Variants in TEK observed in about 807,000 individuals in gnomAD.
TEK encodes the protein TEK receptor tyrosine kinase.
TEK carries 43 observed loss-of-function variants against 131.8 expected under a neutral mutation model. That is an observed-to-expected ratio of 0.33 (90% CI 0.26 to 0.42). The LOEUF (loss-of-function observed/expected upper bound fraction) is 0.42. Among genes scored for constraint, TEK ranks in the 10% least tolerant of loss-of-function variants. The pLI is 1.00. For missense variants in TEK, 1,162 were observed against 1,384.4 expected (o/e 0.84, Z 2.55); for synonymous variants, 580 against 491.6 (o/e 1.18, Z -2.38).
At position 27,203,052 on chromosome 9, in the gene TEK, A is replaced by G. The variant is rs1193991861; in HGVS notation, c.2142A>G (p.Ala714=). ...PETAYQVDIF[A]ENNIGSSNPA... ...CAGCATACCAGGTGGACATTTTTGC[A>G]GAGAACAACATAGGGTCAAGCAACC... The change falls in exon 13 of 23, where the codon GCA becomes GCG. Residue 714 remains alanine, a synonymous_variant. Coordinates refer to ENST00000380036, the MANE Select transcript of TEK (RefSeq NM_000459.5). 11 of 1,614,046 alleles carry G rather than the reference A, an allele frequency of 6.8e-6. No homozygotes were observed. Among genetic ancestry groups the G allele is most frequent in the Non-Finnish European group, 9.3e-6 (11 of 1,180,006 alleles).
At chr9:27,182,708 A>G (rs992863381) in intron 7 of TEK, among the ~76,000 whole-genome samples, 23 of 152,178 alleles carry the variant, frequency 1.5e-4, no homozygotes, top group African/African-American at 4.8e-4. Flanking sequence ...CTGAGTCCCT[A>G]TGGTTCAGAA....
chr9:27,178,193 T>C (rs1439235596), intron 6 of TEK, among the ~76,000 whole-genome samples: 3 of 152,042 alleles, frequency 2.0e-5, no homozygotes, highest in Non-Finnish European at 4.4e-5. Flanking sequence ...TATCCAGTTT[T>C]CCCAGGACTA....
chr9:27,229,385 TG>T lies in TEK; in HGVS notation c.*155del. The T allele has an allele frequency of 2.7e-6, 2 of 746,182 alleles. No individual in the cohort carries two copies. Among genetic ancestry groups the T allele is most frequent in the Admixed American group, 1.9e-5 (1 of 53,202 alleles). 46.2% of individuals were successfully genotyped at this position (746,182 alleles called of 1,614,324 possible). A position where few individuals can be genotyped will look rare whatever the true frequency, so the allele number is the denominator to read the frequency against. ...CCTTCACCACTGTAGATCCCATGCA[TG>T]GATCTATGTAGTATGCTCTGACTCT... On this transcript the variant is annotated 3_prime_UTR_variant, in exon 23 of 23. Transcript: ENST00000380036.
intron 1 of TEK, among the ~76,000 whole-genome samples, chr9:27,112,986 G>C (rs76861647): frequency 0.016 from 2,485 of 152,284 alleles, 57 homozygotes; most frequent in African/African-American, 0.057. Flanking sequence ...GCTGTCATAT[G>C]TTGTATTAGC....
intron 7 of TEK, among the ~76,000 whole-genome samples, chr9:27,182,503 C>T (rs535371665): frequency 3.3e-5 from 5 of 152,226 alleles, no homozygotes; most frequent in East Asian, 1.9e-4. Flanking sequence ...ACACCTTTAC[C>T]CATTTCATTC....
At chr9:27,125,755 CATT>C (rs1162711921) in intron 1 of TEK, among the ~76,000 whole-genome samples, 2 of 152,134 alleles carry the variant, frequency 1.3e-5, no homozygotes, top group Non-Finnish European at 2.9e-5. Context: ...TATTAACTAT[CATT>C]ATTTTTTTGT....
chr9:27,186,261 T>C (rs578150340), intron 9 of TEK, among the ~76,000 whole-genome samples: 54 of 150,780 alleles, frequency 3.6e-4, no homozygotes, highest in African/African-American at 1.3e-3. Context: ...AGAACTAAAA[T>C]GGAGGTAAGT....
intron 12 of TEK, among the ~76,000 whole-genome samples, chr9:27,199,820 A>G (rs1025200000): frequency 6.6e-6 from 1 of 152,130 alleles, no homozygotes; most frequent in Non-Finnish European, 1.5e-5. Context: ...CCTTTATTGT[A>G]ACCTTGTTTG....
At position 27,229,357 on chromosome 9, in the gene TEK, G is replaced by A. The variant is rs902244784; in HGVS notation, c.*125G>A. ...AGTGTACATATGTGCTGTACACCTG[G>A]GACCTTCACCACTGTAGATCCCATG... On this transcript the variant is annotated 3_prime_UTR_variant, in exon 23 of 23. Transcript: ENST00000380036. 6.7e-6 allele frequency: 6 copies of A among 897,900 alleles called. No homozygotes were observed. The highest frequency in any genetic ancestry group is 9.2e-6 in the Non-Finnish European group (5 of 540,744). The allele number at this position is 897,900 out of a possible 1,614,324, so 55.6% of individuals were successfully genotyped here.
Position 27,172,761 on chromosome 9 carries a change from C to G in TEK, c.760+14C>G. On this transcript the variant is annotated intron_variant, in intron 5 of 22. Coordinates refer to ENST00000380036, the MANE Select transcript of TEK (RefSeq NM_000459.5). ...CGTGTGAGAAGGGTAAGTAAAGAGA[C>G]TTGATAAGTAAGCTGTGGATTTAAA... 2 of 1,612,994 alleles carry G rather than the reference C, an allele frequency of 1.2e-6. No homozygotes were observed. The highest frequency in any genetic ancestry group is 1.7e-6 in the Non-Finnish European group (2 of 1,179,314).
At chr9:27,224,283 C>T (rs571779169) in intron 21 of TEK, among the ~76,000 whole-genome samples, 1 of 152,182 alleles carries the variant, frequency 6.6e-6, no homozygotes, top group East Asian at 1.9e-4. Flanking sequence ...ATCCTGTTAC[C>T]CAAACCTGGC....
In TEK at chr9:27,137,856, A is replaced by G. The variant is rs189520107; in HGVS notation, c.53-19975A>G. On this transcript the variant is annotated intron_variant, in intron 1 of 22. Transcript: ENST00000380036. ...ATTAGTTCTTTTGTGTCCGGAATTT[A>G]TTCATTCCGGTGGGTTCTTGGTCTC... 9.6e-4 allele frequency among the ~76,000 whole-genome samples: 146 copies of G among 152,088 alleles called. 1 individual carries two copies. Among genetic ancestry groups the G allele is most frequent in the African/African-American group, 3.3e-3 (136 of 41,480 alleles).
intron 12 of TEK, among the ~76,000 whole-genome samples, chr9:27,200,377 A>C (rs994102778): frequency 6.6e-6 from 1 of 152,206 alleles, no homozygotes; most frequent in African/African-American, 2.4e-5. Context: ...TCACACTATC[A>C]TTATCATATT....
At chr9:27,125,229 G>A (rs1035821543) in intron 1 of TEK, among the ~76,000 whole-genome samples, 8 of 152,204 alleles carry the variant, frequency 5.3e-5, no homozygotes, top group African/African-American at 1.9e-4. Flanking sequence ...TGTAGTAATC[G>A]CCTAACAGGC....
At chr9:27,136,730 A>C (rs1822462001) in intron 1 of TEK, among the ~76,000 whole-genome samples, 2 of 152,158 alleles carry the variant, frequency 1.3e-5, no homozygotes, top group African/African-American at 4.8e-5. Context: ...TATCTGTTCA[A>C]GTCCTTCAGC....
rs562113265 is a variant in TEK, at chr9:27,229,948, T to A, written c.*716T>A. The stretch of plus-strand genomic sequence containing the variant: ...TTAGGATAAAATAATGGGATTTTCT[T>A]TTCTTTTCTCTGGTAATATTGACTT... On this transcript the variant is annotated 3_prime_UTR_variant, in exon 23 of 23. Coordinates refer to ENST00000380036, the MANE Select transcript of TEK (RefSeq NM_000459.5). 2 of 152,360 alleles carry A rather than the reference T, an allele frequency of 1.3e-5. No individual in the cohort carries two copies. Among genetic ancestry groups the A allele is most frequent in the Admixed American group, 1.3e-4 (2 of 15,292 alleles). The allele number at this position is 152,360 out of a possible 1,614,324, so 9.4% of individuals were successfully genotyped here.
At chr9:27,134,791 TAAA>T (rs532871291) in intron 1 of TEK, among the ~76,000 whole-genome samples, 1 of 152,126 alleles carries the variant, frequency 6.6e-6, no homozygotes, top group South Asian at 2.1e-4. Flanking sequence ...AAAGATCTAA[TAAA>T]AAGAAGAGAA....
intron 2 of TEK, among the ~76,000 whole-genome samples, chr9:27,163,600 C>T (rs182021308): frequency 2.9e-4 from 44 of 152,184 alleles, no homozygotes; most frequent in African/African-American, 8.2e-4. Context: ...AGGATGTGGA[C>T]CTGGAGAATG....
chr9:27,196,613 T>A (rs1487390986), intron 11 of TEK, among the ~76,000 whole-genome samples: 1 of 152,082 alleles, frequency 6.6e-6, no homozygotes, highest in Non-Finnish European at 1.5e-5. Context: ...ACAGTAACCA[T>A]TGGCTCATGG....
Sources: allele counts gnomAD v4.1 joint callset (sites outside exome capture counted in the v4.1 genomes callset), GRCh38; gene constraint gnomAD v4.1.1; transcripts MANE v1.5; gene names NCBI Gene and HGNC (gene_info 2026-07-23, HGNC 2026-07-21).